Variants in CHRM3 observed in about 807,000 individuals in gnomAD.
CHRM3 encodes muscarinic acetylcholine receptor M3.
In CHRM3, 11 loss-of-function variants were observed where a neutral mutation model predicts 41.8. The ratio of observed to expected loss-of-function variants is 0.26; its 90% confidence interval spans 0.17 to 0.44. The LOEUF is 0.44. Ranked by LOEUF, CHRM3 falls within the 20% of genes least tolerant of loss-of-function variation. The pLI is 1.00. For missense variants in CHRM3, 571 were observed against 745.4 expected, an observed-to-expected ratio of 0.77 and a Z score of 2.72; for synonymous variants, 297 against 301.4, an observed-to-expected ratio of 0.99 and a Z score of 0.15.
At chr1:239,803,493 G>A (rs189415468) in intron 5 of CHRM3, among the ~76,000 whole-genome samples, 24 of 152,236 alleles carry the variant, frequency 1.6e-4, no homozygotes, top group Non-Finnish European at 2.8e-4. Context: ...GTATTTCCCA[G>A]GAAAGTATAT....
intron 5 of CHRM3, among the ~76,000 whole-genome samples, chr1:239,793,221 G>A (rs1313610763): frequency 6.6e-6 from 1 of 152,116 alleles, no homozygotes; most frequent in Non-Finnish European, 1.5e-5. Flanking sequence ...CATTCTCCAG[G>A]GAATACTTCA....
At chr1:239,777,202 T>G (rs1038616039) in intron 5 of CHRM3, among the ~76,000 whole-genome samples, 3 of 152,142 alleles carry the variant, frequency 2.0e-5, no homozygotes, top group African/African-American at 4.8e-5. Flanking sequence ...GTGGAAGACA[T>G]CTCTAGGAAT....
At chr1:239,694,000 T>C (rs964336175) in intron 5 of CHRM3, among the ~76,000 whole-genome samples, 1 of 152,194 alleles carries the variant, frequency 6.6e-6, no homozygotes, top group Admixed American at 6.5e-5. Context: ...CCTTTTCATA[T>C]AGCAATAATT....
chr1:239,783,430 GA>G (rs1668654402), intron 5 of CHRM3, among the ~76,000 whole-genome samples: 1 of 152,036 alleles, frequency 6.6e-6, no homozygotes, highest in African/African-American at 2.4e-5. Flanking sequence ...GCTATTAATA[GA>G]AGACTAAGAA....
At chr1:239,794,296 G>C (rs577095907) in intron 5 of CHRM3, among the ~76,000 whole-genome samples, 1 of 151,794 alleles carries the variant, frequency 6.6e-6, no homozygotes. Flanking sequence ...TGACATGCAC[G>C]TGGTTACAGA....
intron 2 of CHRM3, among the ~76,000 whole-genome samples, chr1:239,497,407 ATGT>A (rs1312978621): frequency 1.3e-5 from 2 of 152,050 alleles, no homozygotes; most frequent in Admixed American, 1.3e-4. Context: ...CACACTGAGG[ATGT>A]TGGTTTCATG....
Position 239,404,398 on chromosome 1 carries a change from AAGAAAGAAAGAAAAAGAAAG to A in CHRM3, c.-521+17173_-521+17192del, listed in dbSNP as rs1558195443. Reference sequence around the variant, plus strand: ...AAAGAAAGAAAGAAAGAAAGAAAGAAAGAAAGAAAGAAAAAGAAAGAAAGAAAGAAAGAAAGAAAGAAAGA... The same window carrying A: ...AAAGAAAGAAAGAAAGAAAGAAAGAAAAAGAAAGAAAGAAAGAAAGAAAGA... On this transcript the variant is annotated intron_variant, in intron 1 of 6. Transcript: ENST00000676153. Among the ~76,000 whole-genome samples the A allele has an allele frequency of 5.1e-3, 349 of 69,092 alleles. 1 individual carries two copies. Among genetic ancestry groups the A allele is most frequent in the Non-Finnish European group, 6.2e-3 (223 of 35,954 alleles). 45.3% of individuals were successfully genotyped at this position (69,092 alleles called of 152,430 possible). A position where few individuals can be genotyped will look rare whatever the true frequency, so the allele number is the denominator to read the frequency against.
intron 1 of CHRM3, among the ~76,000 whole-genome samples, chr1:239,444,296 T>A (rs551688996): frequency 1.3e-5 from 2 of 152,286 alleles, no homozygotes; most frequent in African/African-American, 4.8e-5. Flanking sequence ...GATCTTAAAG[T>A]GTTAAAGAAC....
At chr1:239,389,328 A>G (rs931941814) in intron 1 of CHRM3, among the ~76,000 whole-genome samples, 3 of 152,224 alleles carry the variant, frequency 2.0e-5, no homozygotes, top group Non-Finnish European at 4.4e-5. Flanking sequence ...AGAGAAATCT[A>G]TGATGAATAT....
intron 3 of CHRM3, among the ~76,000 whole-genome samples, chr1:239,624,604 G>T (rs913860049): frequency 1.3e-5 from 2 of 151,656 alleles, no homozygotes; most frequent in Admixed American, 6.6e-5. Context: ...TAATGCCTAG[G>T]TTTTCTTCTA....
chr1:239,722,095 A>G (rs1219007268), intron 5 of CHRM3, among the ~76,000 whole-genome samples: 1 of 151,900 alleles, frequency 6.6e-6, no homozygotes, highest in African/African-American at 2.4e-5. Context: ...AACCTATTTG[A>G]TCTTCTCCTC....
At chr1:239,659,746 A>G (rs1217654378) in intron 4 of CHRM3, among the ~76,000 whole-genome samples, 6 of 152,194 alleles carry the variant, frequency 3.9e-5, no homozygotes, top group Admixed American at 6.5e-5. Context: ...TCTCCAAAGG[A>G]TAGTGCATAA....
intron 3 of CHRM3, among the ~76,000 whole-genome samples, chr1:239,614,892 GAT>G (rs1399745469): frequency 6.6e-6 from 1 of 152,202 alleles, no homozygotes; most frequent in African/African-American, 2.4e-5. Flanking sequence ...AATCCCAGAA[GAT>G]GAGTGTCTAA....
intron 6 of CHRM3, among the ~76,000 whole-genome samples, chr1:239,896,009 TA>T (rs1418836655): frequency 6.6e-6 from 1 of 152,170 alleles, no homozygotes; most frequent in Non-Finnish European, 1.5e-5. Context: ...TCATCTCAAT[TA>T]AAACAGAGTA....
intron 2 of CHRM3, among the ~76,000 whole-genome samples, chr1:239,515,559 T>A (rs1347326450): frequency 6.6e-6 from 1 of 152,144 alleles, no homozygotes; most frequent in Non-Finnish European, 1.5e-5. Context: ...AGGGAATTAT[T>A]TCTGAGGACT....
chr1:239,551,018 G>A (rs1229141580), intron 3 of CHRM3, among the ~76,000 whole-genome samples: 2 of 151,210 alleles, frequency 1.3e-5, no homozygotes, highest in Non-Finnish European at 2.9e-5. Context: ...ACATATTAAA[G>A]CATATTTACA....
chr1:239,537,401 G>A (rs1658308514), intron 2 of CHRM3, among the ~76,000 whole-genome samples: 1 of 151,940 alleles, frequency 6.6e-6, no homozygotes, highest in Admixed American at 6.6e-5. Flanking sequence ...ACTTTACGTG[G>A]TGGGAACAAA....
intron 2 of CHRM3, among the ~76,000 whole-genome samples, chr1:239,520,296 C>T (rs1669554396): frequency 6.6e-6 from 1 of 152,154 alleles, no homozygotes; most frequent in African/African-American, 2.4e-5. Context: ...ACCTAAATCT[C>T]GTGTTGAATT....
intron 3 of CHRM3, among the ~76,000 whole-genome samples, chr1:239,562,814 G>T (rs1172184418): frequency 6.6e-6 from 1 of 150,886 alleles, no homozygotes; most frequent in African/African-American, 2.4e-5. Context: ...CTTGAAACTG[G>T]AAGGTGGAGG....
Sources: allele counts gnomAD v4.1 joint callset (sites outside exome capture counted in the v4.1 genomes callset), GRCh38; gene constraint gnomAD v4.1.1; transcripts MANE v1.5; gene names NCBI Gene and HGNC (gene_info 2026-07-23, HGNC 2026-07-21).